AP3S1: variants seen among roughly 807,000 people sequenced by gnomAD.
AP3S1 encodes the protein adaptor related protein complex 3 subunit sigma 1, also known as AP-3 complex subunit sigma-1.
In AP3S1, 12 loss-of-function variants were observed where a neutral mutation model predicts 21.3. That is an observed-to-expected ratio of 0.56 (90% CI 0.36 to 0.91). The LOEUF (loss-of-function observed/expected upper bound fraction) is 0.91. Ranked by LOEUF, AP3S1 falls within the 40% of genes least tolerant of loss-of-function variation. AP3S1 has a pLI of 0.01. For missense variants in AP3S1, 116 were observed against 225.0 expected, an observed-to-expected ratio of 0.52 and a Z score of 3.10; for synonymous variants, 48 against 78.4, an observed-to-expected ratio of 0.61 and a Z score of 2.05.
At chr5:115,848,189 T>C (rs1762195508) in intron 1 of AP3S1, among the ~76,000 whole-genome samples, 1 of 152,222 alleles carries the variant, frequency 6.6e-6, no homozygotes, top group Non-Finnish European at 1.5e-5. Context: ...GTAAGTTTCT[T>C]TTTTTGTGAC....
chr5:115,849,963 T>C lies in AP3S1; in HGVS notation c.69+7857T>C, dbSNP rs1561470819. ...CAGTTCTGTATAGCCTCTCTATCAA[T>C]GAGACCTGTGATCAAGCTTTCGTAA... On this transcript the variant is annotated intron_variant, in intron 1 of 5. Coordinates refer to ENST00000316788, the MANE Select transcript of AP3S1 (RefSeq NM_001284.4). 2.0e-5 allele frequency among the ~76,000 whole-genome samples: 3 copies of C among 152,132 alleles called. No homozygotes were observed. In the East Asian group the frequency reaches 5.8e-4, roughly 29 times the overall value.
rs116170956 is a variant in AP3S1, at chr5:115,909,764, T to C, written c.454-3598T>C. On this transcript the variant is annotated intron_variant, in intron 5 of 5. Transcript: ENST00000316788. ...TCTTACTTTTACGTTTAAAAATGTATTTACAGTAATCCCCCCTTACCTGTG... is the reference window on the plus strand; with the variant it reads ...TCTTACTTTTACGTTTAAAAATGTACTTACAGTAATCCCCCCTTACCTGTG... Among the ~76,000 whole-genome samples the C allele has an allele frequency of 6.4e-3, 981 of 152,272 alleles. 14 individuals carry two copies. Among genetic ancestry groups the C allele is most frequent in the African/African-American group, 0.022 (924 of 41,562 alleles).
intron 1 of AP3S1, among the ~76,000 whole-genome samples, chr5:115,861,960 A>G (rs1375966038): frequency 1.4e-5 from 2 of 141,462 alleles, no homozygotes; most frequent in Non-Finnish European, 3.0e-5. Context: ...TCAGCCTCCC[A>G]AAGTGCTGAG....
intron 5 of AP3S1, chr5:115,903,401 G>C (rs1751382371): frequency 6.5e-6 from 1 of 152,794 alleles, no homozygotes; most frequent in African/African-American, 2.4e-5. Flanking sequence ...ACAGGAAATG[G>C]AATTCTTACA....
intron 3 of AP3S1, among the ~76,000 whole-genome samples, chr5:115,890,242 T>C (rs1750173196): frequency 6.6e-6 from 1 of 152,224 alleles, no homozygotes; most frequent in African/African-American, 2.4e-5. Flanking sequence ...GGCACCATAC[T>C]GGAAACAACA....
In AP3S1 at chr5:115,913,615, A is replaced by G. The variant is rs1752280177; in HGVS notation, c.*125A>G. ...TTTGCTCTTGGATTTAAGTCAAGGTACTGTATAGAAGTTGTGTAAAATCAG... is the reference window on the plus strand; with the variant it reads ...TTTGCTCTTGGATTTAAGTCAAGGTGCTGTATAGAAGTTGTGTAAAATCAG... On this transcript the variant is annotated 3_prime_UTR_variant, in exon 6 of 6. Coordinates refer to ENST00000316788, the MANE Select transcript of AP3S1 (RefSeq NM_001284.4). The G allele has an allele frequency of 7.0e-7, 1 of 1,436,892 alleles. No individual in the cohort carries two copies. Among genetic ancestry groups the G allele is most frequent in the Non-Finnish European group, 9.4e-7 (1 of 1,063,792 alleles). The allele number at this position is 1,436,892 out of a possible 1,614,324, so 89.0% of individuals were successfully genotyped here. A position where few individuals can be genotyped will look rare whatever the true frequency, so the allele number is the denominator to read the frequency against.
intron 4 of AP3S1, among the ~76,000 whole-genome samples, chr5:115,898,450 T>G (rs1212631140): frequency 6.6e-6 from 1 of 152,188 alleles, no homozygotes; most frequent in Non-Finnish European, 1.5e-5. Flanking sequence ...CTACTCACAA[T>G]TGGTTTGGAT....
intron 5 of AP3S1, 73 bp from the exon 6 acceptor site, chr5:115,913,289 A>G: frequency 6.8e-7 from 1 of 1,466,522 alleles, no homozygotes; most frequent in Non-Finnish European, 9.2e-7. Flanking sequence ...ATTGTCTTCC[A>G]TTGTAAGTGT....
intron 2 of AP3S1, among the ~76,000 whole-genome samples, chr5:115,867,716 G>T (rs1054899898): frequency 2.6e-5 from 4 of 152,050 alleles, no homozygotes; most frequent in Non-Finnish European, 5.9e-5. Context: ...TTCTGTTTTT[G>T]AATTTTACTT....
At chr5:115,883,620 G>C (rs1749505301) in intron 3 of AP3S1, among the ~76,000 whole-genome samples, 1 of 152,180 alleles carries the variant, frequency 6.6e-6, no homozygotes, top group Non-Finnish European at 1.5e-5. Flanking sequence ...GATCTCGCTG[G>C]GAGCTGCAGA....
intron 1 of AP3S1, among the ~76,000 whole-genome samples, chr5:115,862,615 G>A (rs1055025634): frequency 6.6e-6 from 1 of 152,148 alleles, no homozygotes; most frequent in African/African-American, 2.4e-5. Context: ...ACATTCTGTT[G>A]CTATTGTGGT....
At chr5:115,885,242 A>G (rs917011046) in intron 3 of AP3S1, among the ~76,000 whole-genome samples, 5 of 152,208 alleles carry the variant, frequency 3.3e-5, no homozygotes, top group Non-Finnish European at 7.3e-5. Flanking sequence ...ATTAGGGAGA[A>G]TTGGCTCACA....
At chr5:115,876,845 T>C (rs1259380174) in intron 3 of AP3S1, among the ~76,000 whole-genome samples, 2 of 152,196 alleles carry the variant, frequency 1.3e-5, no homozygotes, top group East Asian at 3.9e-4. Flanking sequence ...ACAGAAATAA[T>C]GTTATGTCCA....
chr5:115,844,630 CTGTT>C (rs1178244235), intron 1 of AP3S1, among the ~76,000 whole-genome samples: 2 of 152,312 alleles, frequency 1.3e-5, no homozygotes, highest in African/African-American at 4.8e-5. Flanking sequence ...TTGGAAGTGT[CTGTT>C]TGTGTAGGGC....
intron 3 of AP3S1, among the ~76,000 whole-genome samples, chr5:115,880,125 A>G (rs1317515529): frequency 2.6e-5 from 4 of 151,838 alleles, no homozygotes; most frequent in African/African-American, 9.7e-5. Context: ...AGTGGTCTAT[A>G]TATTTTGTTA....
At chr5:115,860,002 T>A (rs772036686) in intron 1 of AP3S1, among the ~76,000 whole-genome samples, 1 of 152,174 alleles carries the variant, frequency 6.6e-6, no homozygotes, top group Non-Finnish European at 1.5e-5. Flanking sequence ...AGGTAAGAAG[T>A]CAGATGTGGG....
chr5:115,874,836 G>T (rs968918586), intron 3 of AP3S1, among the ~76,000 whole-genome samples: 1 of 151,966 alleles, frequency 6.6e-6, no homozygotes, highest in Non-Finnish European at 1.5e-5. Context: ...AGAAAGACCT[G>T]TGAATTAAAG....
chr5:115,855,287 C>T lies in AP3S1; in HGVS notation c.70-11383C>T, dbSNP rs148246593. The stretch of plus-strand genomic sequence containing the variant: ...CTCCTGACCTCAAATGATCTGCCTG[C>T]GTTGGCCTCCCAGAGTGCTGGAATT... On this transcript the variant is annotated intron_variant, in intron 1 of 5. Transcript: ENST00000316788. 3.1e-3 allele frequency among the ~76,000 whole-genome samples: 476 copies of T among 152,140 alleles called. 1 individual carries two copies. Among genetic ancestry groups the T allele is most frequent in the South Asian group, 4.8e-3 (23 of 4,820 alleles).
At chr5:115,876,649 C>T (rs1000907071) in intron 3 of AP3S1, among the ~76,000 whole-genome samples, 2 of 152,154 alleles carry the variant, frequency 1.3e-5, no homozygotes, top group African/African-American at 4.8e-5. Flanking sequence ...TTCACACATT[C>T]CATTTAGCTG....
Sources: gnomAD v4.1 joint callset for allele counts (sites outside exome capture counted in the v4.1 genomes callset) on GRCh38, gnomAD v4.1.1 for gene constraint, MANE v1.5 for transcripts, NCBI Gene and HGNC (gene_info 2026-07-23, HGNC 2026-07-21) for gene names.